Variants in AFF1 observed in about 807,000 individuals in gnomAD.
AFF1 encodes the protein AF4/FMR2 family member 1.
AFF1 carries 48 observed loss-of-function variants against 121.7 expected under a neutral mutation model. That is an observed-to-expected ratio of 0.39 (90% CI 0.31 to 0.50). The LOEUF is 0.50. AFF1 is among the 20% of genes least tolerant of loss of function. The probability of loss-of-function intolerance (pLI) is 0.76; values close to 1 mark genes in which losing one functional copy is unlikely to be tolerated. For missense variants in AFF1, 1,523 were observed against 1,511.7 expected, an observed-to-expected ratio of 1.01 and a Z score of -0.12; for synonymous variants, 613 against 563.0, an observed-to-expected ratio of 1.09 and a Z score of -1.26.
intron 2 of AFF1, among the ~76,000 whole-genome samples, chr4:87,009,047 G>C (rs1052646487): frequency 6.6e-6 from 1 of 152,170 alleles, no homozygotes; most frequent in African/African-American, 2.4e-5. Flanking sequence ...GCAGGGATTT[G>C]TACCCAGGTG....
chr4:87,100,633 G>A (rs766822573), intron 8 of AFF1, among the ~76,000 whole-genome samples: 21 of 151,970 alleles, frequency 1.4e-4, no homozygotes, highest in Non-Finnish European at 2.1e-4. Flanking sequence ...GATATTTTTC[G>A]GCTCAGAGTT....
At chr4:87,010,026 A>ATT (rs1401536986) in intron 2 of AFF1, among the ~76,000 whole-genome samples, 4 of 152,172 alleles carry the variant, frequency 2.6e-5, no homozygotes, top group Admixed American at 2.6e-4. Flanking sequence ...ATGCAAATGG[A>ATT]TTAGGCGGTG....
At chr4:87,096,290 G>C (rs953846312) in intron 8 of AFF1, among the ~76,000 whole-genome samples, 1 of 73,176 alleles carries the variant, frequency 1.4e-5, no homozygotes, top group African/African-American at 5.1e-5. Flanking sequence ...GTTACCTTTT[G>C]TTATTCCCTT....
intron 5 of AFF1, among the ~76,000 whole-genome samples, chr4:87,084,981 C>A (rs764245799): frequency 6.6e-6 from 1 of 152,014 alleles, no homozygotes; most frequent in South Asian, 2.1e-4. Flanking sequence ...TTCAGTGAGA[C>A]GATGAAATTT....
chr4:87,026,416 C>T (rs1246701756), intron 2 of AFF1, among the ~76,000 whole-genome samples: 1 of 152,066 alleles, frequency 6.6e-6, no homozygotes, highest in African/African-American at 2.4e-5. Flanking sequence ...TCCCTGTACT[C>T]GTTTACTGTG....
chr4:86,982,839 C>T (rs1723868596), intron 2 of AFF1, among the ~76,000 whole-genome samples: 1 of 91,924 alleles, frequency 1.1e-5, no homozygotes, highest in East Asian at 3.3e-4. Flanking sequence ...CAGAGTAAGA[C>T]TCTGTCTCCA....
chr4:87,065,275 T>A (rs1164387202), intron 4 of AFF1, among the ~76,000 whole-genome samples: 1 of 152,128 alleles, frequency 6.6e-6, no homozygotes, highest in African/African-American at 2.4e-5. Context: ...GGGAAACTCC[T>A]GTTTTTAAAA....
intron 19 of AFF1, among the ~76,000 whole-genome samples, chr4:87,134,242 C>T (rs1003158540): frequency 6.6e-6 from 1 of 152,102 alleles, no homozygotes; most frequent in African/African-American, 2.4e-5. Context: ...AGATTCCAGG[C>T]AGAGGAAGTA....
rs531966639 is a variant in AFF1 at position 87,081,605 on chromosome 4, A to G, written c.1060-2515A>G. ...GTTAGCTAGATGCATGTTGTTTGCCATTTGCTCATTTCCAATTATTTGCCA... is the reference window on the plus strand; with the variant it reads ...GTTAGCTAGATGCATGTTGTTTGCCGTTTGCTCATTTCCAATTATTTGCCA... On this transcript the variant is annotated intron_variant, in intron 4 of 20. Coordinates refer to ENST00000395146, the MANE Select transcript of AFF1 (RefSeq NM_001166693.3). Among the ~76,000 whole-genome samples the G allele has an allele frequency of 1.0e-3, 155 of 152,306 alleles. 1 individual carries two copies. The highest frequency in any genetic ancestry group is 1.9e-3 in the Non-Finnish European group (128 of 68,020).
chr4:86,993,653 C>T (rs1308445096), intron 2 of AFF1, among the ~76,000 whole-genome samples: 1 of 152,100 alleles, frequency 6.6e-6, no homozygotes, highest in Non-Finnish European at 1.5e-5. Context: ...ATATGAATCA[C>T]CTTTGAATTT....
intron 4 of AFF1, among the ~76,000 whole-genome samples, chr4:87,061,652 G>A (rs1463857675): frequency 1.3e-5 from 2 of 152,218 alleles, no homozygotes; most frequent in Non-Finnish European, 1.5e-5. Context: ...GGGTGCATGT[G>A]CTGTCTTGTC....
At chr4:86,964,104 C>T (rs1722356442) in intron 2 of AFF1, among the ~76,000 whole-genome samples, 1 of 150,878 alleles carries the variant, frequency 6.6e-6, no homozygotes, top group Non-Finnish European at 1.5e-5. Flanking sequence ...AGGCATGAAC[C>T]ACCATGCCTG....
intron 2 of AFF1, chr4:86,950,016 G>C (rs757752764): frequency 1.2e-6 from 2 of 1,613,912 alleles, no homozygotes; most frequent in Non-Finnish European, 1.7e-6. Flanking sequence ...AGTTTCACCT[G>C]CTGAGCTCCG....
chr4:87,021,963 G>C (rs1727941116), intron 2 of AFF1, among the ~76,000 whole-genome samples: 1 of 152,148 alleles, frequency 6.6e-6, no homozygotes, highest in Non-Finnish European at 1.5e-5. Context: ...AGCACTTTGG[G>C]AGGCCGAGGC....
At chr4:87,056,894 C>A (rs748783941) in intron 4 of AFF1, among the ~76,000 whole-genome samples, 1 of 152,142 alleles carries the variant, frequency 6.6e-6, no homozygotes, top group Non-Finnish European at 1.5e-5. Context: ...TCACGATGAT[C>A]CCATGTGGTA....
rs1553925186 is a variant in AFF1 at position 87,063,256 on chromosome 4, T to TGA, written c.1059+15665_1059+15666dup. Among the ~76,000 whole-genome samples, 182 of 134,624 alleles carry TGA rather than the reference T, an allele frequency of 1.4e-3. 2 individuals are homozygous for TGA. Among genetic ancestry groups the TGA allele is most frequent in the African/African-American group, 5.0e-3 (174 of 34,704 alleles). The allele number at this position is 134,624 out of a possible 152,430, so 88.3% of individuals were successfully genotyped here. ...TTTTTTTTTTTTTTTTTTTTTTTTTTGAGACAGAGTTTTGCTCTTGTTGCC... is the reference window on the plus strand; with the variant it reads ...TTTTTTTTTTTTTTTTTTTTTTTTTTGAGAGACAGAGTTTTGCTCTTGTTGCC... On this transcript the variant is annotated intron_variant, in intron 4 of 20. Coordinates refer to ENST00000395146, the MANE Select transcript of AFF1 (RefSeq NM_001166693.3).
At chr4:87,032,848 T>G (rs1729203553) in intron 2 of AFF1, among the ~76,000 whole-genome samples, 1 of 152,150 alleles carries the variant, frequency 6.6e-6, no homozygotes, top group Non-Finnish European at 1.5e-5. Context: ...GTGTACTCAG[T>G]TCAACAATAA....
chr4:86,985,308 T>A (rs1724157032), intron 2 of AFF1, among the ~76,000 whole-genome samples: 1 of 149,100 alleles, frequency 6.7e-6, no homozygotes, highest in South Asian at 2.1e-4. Context: ...GTCAGGAGTT[T>A]GAGACCAGCC....
At chr4:87,103,956 ACATTT>A (rs1725669973) in intron 8 of AFF1, among the ~76,000 whole-genome samples, 1 of 152,132 alleles carries the variant, frequency 6.6e-6, no homozygotes. Context: ...ATTATACTTT[ACATTT>A]ATTTCAAAGA....
Sources: allele counts gnomAD v4.1 joint callset (sites outside exome capture counted in the v4.1 genomes callset), GRCh38; gene constraint gnomAD v4.1.1; transcripts MANE v1.5; gene names NCBI Gene and HGNC (gene_info 2026-07-23, HGNC 2026-07-21).